The following CCN4 variants were observed in gnomAD, a reference collection of about 807,000 sequenced individuals.
CCN4 encodes the protein cellular communication network factor 4.
Under a neutral mutation model 36.7 loss-of-function variants are expected in CCN4, and 30 were observed. The ratio of observed to expected loss-of-function variants is 0.82; its 90% CI spans 0.61 to 1.11. CCN4 has a LOEUF of 1.11. Among genes scored for constraint, CCN4 ranks in the 50% least tolerant of loss-of-function variants. The probability of loss-of-function intolerance (pLI) is 0.00; values close to 1 mark genes in which losing one functional copy is unlikely to be tolerated. For synonymous variants in CCN4, 191 were observed against 195.4 expected, an observed-to-expected ratio of 0.98 and a Z score of 0.19; for missense variants, 505 against 504.9, an observed-to-expected ratio of 1.00 and a Z score of 0.00.
chr8:133,212,940 G>T lies in CCN4; in HGVS notation c.146G>T (p.Cys49Phe). The T allele has an allele frequency of 6.2e-7, 1 of 1,613,470 alleles. No individual in the cohort carries two copies. The highest frequency in any genetic ancestry group is 8.5e-7 in the Non-Finnish European group (1 of 1,179,838). Residue 49 changes from cysteine (C) to phenylalanine (F), a missense_variant, in exon 2 of 5, where the codon TGC becomes TTC. Physicochemically the swap from Cys to Phe is radical, Grantham distance 205. Transcript: ENST00000250160. ...GACACCTCCTCACGCCCCCAATTCT[G>T]CAAGTGGCCATGTGAGTGCCCGCCA... ...LEDTSSRPQF[C>F]KWPCECPPSP...
chr8:133,221,914 G>A (rs940847918), intron 3 of CCN4, among the ~76,000 whole-genome samples: 29 of 149,922 alleles, frequency 1.9e-4, no homozygotes, highest in Non-Finnish European at 5.9e-5. Flanking sequence ...TTAATGGATG[G>A]ATGGAGGATG....
At position 133,193,665 on chromosome 8, in the gene CCN4, A is replaced by G. The variant is rs183332057; in HGVS notation, c.69+2452A>G. ...GGCACATTCTACAATTCCCATAACA[A>G]TATTATTTAGCAAGTGCAATTATCC... On this transcript the variant is annotated intron_variant, in intron 1 of 4. Transcript: ENST00000250160. Among the ~76,000 whole-genome samples, 5 of 152,308 alleles carry G rather than the reference A, an allele frequency of 3.3e-5. No homozygotes were observed. The East Asian group carries it at 7.7e-4, about 23-fold the overall frequency.
At chr8:133,215,905 T>G (rs946043505) in intron 2 of CCN4, among the ~76,000 whole-genome samples, 5 of 152,102 alleles carry the variant, frequency 3.3e-5, no homozygotes, top group Non-Finnish European at 5.9e-5. Flanking sequence ...AGAGGTATCA[T>G]AAGCTTCATA....
chr8:133,212,920 C>T lies in CCN4; in HGVS notation c.126C>T (p.Thr42=). The change falls in exon 2 of 5, where the codon ACC becomes ACT. Residue 42 remains threonine (T), a synonymous_variant. Transcript: ENST00000250160. ...TTACCCCAGCTCCACTGGAGGACAC[C>T]TCCTCACGCCCCCAATTCTGCAAGT... The part of the protein sequence containing the change: ...MDFTPAPLED[T]SSRPQFCKWP... The T allele has an allele frequency of 6.2e-7, 1 of 1,612,904 alleles. No individual in the cohort carries two copies. Among genetic ancestry groups the T allele is most frequent in the East Asian group, 2.2e-5 (1 of 44,808 alleles).
chr8:133,224,393 C>A (rs529679325), intron 3 of CCN4, among the ~76,000 whole-genome samples: 8 of 151,844 alleles, frequency 5.3e-5, no homozygotes, highest in Admixed American at 5.2e-4. Context: ...CACATGCCAC[C>A]ATGCCCGGTT....
chr8:133,202,915 A>C (rs1853639562), intron 1 of CCN4, among the ~76,000 whole-genome samples: 1 of 152,192 alleles, frequency 6.6e-6, no homozygotes, highest in Non-Finnish European at 1.5e-5. Flanking sequence ...AAGCGTGGGG[A>C]AGACATGGGC....
intron 4 of CCN4, 115 bp from the exon 5 acceptor site, chr8:133,227,296 A>C (rs2130628441): frequency 3.6e-6 from 4 of 1,101,278 alleles, no homozygotes; most frequent in South Asian, 3.1e-5. Context: ...GTGAAGCTGA[A>C]AGTAAGGTGG....
At chr8:133,209,417 A>T (rs890603879) in intron 1 of CCN4, among the ~76,000 whole-genome samples, 4 of 152,098 alleles carry the variant, frequency 2.6e-5, no homozygotes, top group African/African-American at 4.8e-5. Flanking sequence ...CCTTCTCCTG[A>T]GTCTGGGAGA....
At chr8:133,203,976 A>G (rs1210976018) in intron 1 of CCN4, among the ~76,000 whole-genome samples, 1 of 152,196 alleles carries the variant, frequency 6.6e-6, no homozygotes, top group Non-Finnish European at 1.5e-5. Flanking sequence ...GTTACCACTC[A>G]CCTTTAAATA....
rs1854808188 is a variant in CCN4, at chr8:133,227,970, C to G, written c.*260C>G. 1 of 387,234 alleles carries G rather than the reference C, an allele frequency of 2.6e-6. No homozygotes were observed. The highest frequency in any genetic ancestry group is 2.0e-5 in the African/African-American group (1 of 49,286). 24.0% of individuals were successfully genotyped at this position (387,234 alleles called of 1,614,324 possible). ...GTTCTGGACTACACCCAAGCCTGAT[C>G]CAGCCTTTCCAAGTCACTAGAAGTC... is the stretch of plus-strand genomic sequence containing the variant. On this transcript the variant is annotated 3_prime_UTR_variant, in exon 5 of 5. Coordinates refer to ENST00000250160, the MANE Select transcript of CCN4 (RefSeq NM_003882.4).
intron 1 of CCN4, among the ~76,000 whole-genome samples, chr8:133,192,685 A>G (rs551407166): frequency 6.6e-6 from 1 of 152,294 alleles, no homozygotes; most frequent in Non-Finnish European, 1.5e-5. Context: ...ATAGCTTTGC[A>G]GGTTGCTATG....
chr8:133,225,445 CT>C lies in CCN4; in HGVS notation c.667del (p.Trp223GlyfsTer61). 2 of 1,614,054 alleles carry C rather than the reference CT, an allele frequency of 1.2e-6. No homozygotes were observed. The highest frequency in any genetic ancestry group is 1.7e-6 in the Non-Finnish European group (2 of 1,179,958). ...HRNCIAYTSP[W>X]SPCSTSCGLG... Reference sequence around the variant, plus strand: ...GGAACTGCATAGCCTACACAAGCCCCTGGAGCCCTTGCTCCACCAGCTGCGG... The same window carrying C: ...GGAACTGCATAGCCTACACAAGCCCCGGAGCCCTTGCTCCACCAGCTGCGG... On this transcript the variant is annotated frameshift_variant, in exon 4 of 5. Transcript: ENST00000250160. LOFTEE classifies it high-confidence loss of function.
At chr8:133,198,573 A>G (rs1853471610) in intron 1 of CCN4, among the ~76,000 whole-genome samples, 1 of 152,178 alleles carries the variant, frequency 6.6e-6, no homozygotes, top group Admixed American at 6.5e-5. Context: ...GCCTCTGTGC[A>G]CGTGGCCAAG....
intron 2 of CCN4, among the ~76,000 whole-genome samples, chr8:133,216,508 A>C (rs1404940167): frequency 1.3e-5 from 2 of 152,212 alleles, no homozygotes; most frequent in African/African-American, 4.8e-5. Context: ...ATCCAGGTAC[A>C]TAGATTTGTG....
chr8:133,192,646 T>G (rs1381831629), intron 1 of CCN4, among the ~76,000 whole-genome samples: 1 of 152,206 alleles, frequency 6.6e-6, no homozygotes, highest in Non-Finnish European at 1.5e-5. Context: ...TTATTTCGGC[T>G]CTGGGTATGG....
chr8:133,224,399 C>T (rs985532651), intron 3 of CCN4, among the ~76,000 whole-genome samples: 7 of 151,688 alleles, frequency 4.6e-5, no homozygotes, highest in African/African-American at 9.7e-5. Context: ...CCACCATGCC[C>T]GGTTAATTTG....
At chr8:133,220,012 C>T (rs376728883) in intron 2 of CCN4, among the ~76,000 whole-genome samples, 1 of 152,080 alleles carries the variant, frequency 6.6e-6, no homozygotes, top group South Asian at 2.1e-4. Context: ...CCAACTCCCC[C>T]TCCCTGCTCC....
chr8:133,221,181 T>G (rs1240630627), intron 3 of CCN4, among the ~76,000 whole-genome samples: 1 of 152,070 alleles, frequency 6.6e-6, no homozygotes, highest in Non-Finnish European at 1.5e-5. Flanking sequence ...GGAGAGGAGG[T>G]ATGAGCAAGA....
At chr8:133,225,794 ATAT>A (rs1854713199) in intron 4 of CCN4, among the ~76,000 whole-genome samples, 1 of 152,136 alleles carries the variant, frequency 6.6e-6, no homozygotes, top group Non-Finnish European at 1.5e-5. Flanking sequence ...GGTAGGTATC[ATAT>A]TATTAGAATC....
Sources: allele counts gnomAD v4.1 joint callset (sites outside exome capture counted in the v4.1 genomes callset), GRCh38; gene constraint gnomAD v4.1.1; transcripts MANE v1.5; gene names NCBI Gene and HGNC (gene_info 2026-07-23, HGNC 2026-07-21).